Variants in RNF123 observed in about 807,000 individuals in gnomAD.
RNF123 encodes ring finger protein 123.
Under a neutral mutation model 168.5 loss-of-function variants are expected in RNF123, and 86 were observed. That is an observed-to-expected ratio of 0.51 (90% CI 0.43 to 0.61). The LOEUF (loss-of-function observed/expected upper bound fraction) is 0.61, where lower values mean the gene tolerates loss of function less well. Ranked by LOEUF, RNF123 falls within the 20% of genes least tolerant of loss-of-function variation. The pLI is 0.00. For missense variants in RNF123, 1,419 were observed against 1,729.7 expected (o/e 0.82, Z 3.19); for synonymous variants, 666 against 689.1 (o/e 0.97, Z 0.52).
At chr3:49,698,253 G>T in intron 7 of RNF123, 116 bp downstream of exon 7, 1 of 1,021,104 alleles carries the variant, frequency 9.8e-7, no homozygotes, top group South Asian at 1.5e-5. Context: ...AACCTGGACT[G>T]CCCTCTGGAG....
chr3:49,697,539 C>T, intron 5 of RNF123, 82 bp downstream of exon 5: 1 of 1,123,192 alleles, frequency 8.9e-7, no homozygotes, highest in Non-Finnish European at 1.3e-6. Context: ...GCCCTAGTCT[C>T]TCTACTCATC....
At chr3:49,690,054 C>T (rs1020644969) in intron 1 of RNF123, among the ~76,000 whole-genome samples, 2 of 152,206 alleles carry the variant, frequency 1.3e-5, no homozygotes, top group Non-Finnish European at 2.9e-5. Flanking sequence ...CCACCGAGGG[C>T]CCGAGGTCGG....
intron 15 of RNF123, 97 bp from the exon 16 acceptor site, chr3:49,701,394 G>A (rs1473570911): frequency 1.0e-5 from 9 of 903,208 alleles, no homozygotes; most frequent in Non-Finnish European, 1.5e-5. Flanking sequence ...TGGGAGAGCT[G>A]TGGTAGGCAC....
Position 49,702,394 on chromosome 3 carries a change from A to G in RNF123, c.1618A>G (p.Ser540Gly). 1 of 1,614,190 alleles carries G rather than the reference A, an allele frequency of 6.2e-7. No homozygotes were observed. The highest frequency in any genetic ancestry group is 8.5e-7 in the Non-Finnish European group (1 of 1,180,018). Residue 540 changes from serine (S) to glycine (G), a missense_variant, in exon 19 of 39, where the codon AGT becomes GGT. By Grantham distance (56) the Ser-to-Gly change is moderately conservative. This residue lies in a region of RNF123 where 349 missense variants were observed against 344.9 expected (regional missense o/e 1.01). Coordinates refer to ENST00000327697, the MANE Select transcript of RNF123 (RefSeq NM_022064.5). ...TCGCAAGTTTCTGCAGGAGAACGCC[A>G]GTGGCCGGGGGGTAGGTGTCCTCCA... ...KFRKFLQENA[S>G]GRGNMPMLCP...
chr3:49,721,185 A>G lies in RNF123; in HGVS notation c.3825A>G (p.Lys1275=). The part of the protein sequence containing the change: ...VFQPCGHKSC[K]ACINQHLMNN... ...GTCCTCATCCCCTCCCCTGTTGTAGAGCCTGTATCAACCAGCACCTGATGA... is the reference window on the plus strand; with the variant it reads ...GTCCTCATCCCCTCCCCTGTTGTAGGGCCTGTATCAACCAGCACCTGATGA... Residue 1275 remains lysine (K), a splice_region_variant and synonymous_variant, in exon 39 of 39, where the codon AAA becomes AAG. Transcript: ENST00000327697. 3 of 1,614,166 alleles carry G rather than the reference A, an allele frequency of 1.9e-6. No individual in the cohort carries two copies. Among genetic ancestry groups the G allele is most frequent in the Non-Finnish European group, 2.5e-6 (3 of 1,180,032 alleles).
At chr3:49,712,699 C>A in intron 27 of RNF123, 43 bp downstream of exon 27, 2 of 1,606,932 alleles carry the variant, frequency 1.2e-6, no homozygotes, top group African/African-American at 1.3e-5. Flanking sequence ...GAAAAGGGGT[C>A]TCTAGTGTGA....
In RNF123 at chr3:49,699,485, A is replaced by T; in HGVS notation, c.782A>T (p.Tyr261Phe). 1.2e-6 allele frequency: 2 copies of T among 1,606,242 alleles called. No homozygotes were observed. The highest frequency in any genetic ancestry group is 1.7e-6 in the Non-Finnish European group (2 of 1,176,862). Residue 261 changes from tyrosine to phenylalanine, a missense_variant, in exon 11 of 39, where the codon TAC (tyrosine) becomes TTC (phenylalanine). By Grantham distance (22) the Tyr-to-Phe change is conservative. Coordinates refer to ENST00000327697, the MANE Select transcript of RNF123 (RefSeq NM_022064.5). This position sits in a 1 kb window ranked among gnomAD's most constrained non-coding sequence, Gnocchi z 4.8. Reference protein sequence around the residue: ...SRPLRYPVAGYRPLQDPPSAD... With the variant: ...SRPLRYPVAGFRPLQDPPSAD... ...TCTGGCACCTACCCAGTGGCAGGCT[A>T]CCGGCCCCTGCAGGACCCACCGAGT...
Position 49,720,546 on chromosome 3 carries a change from C to T in RNF123, c.3536C>T (p.Pro1179Leu). 1 of 1,608,804 alleles carries T rather than the reference C, an allele frequency of 6.2e-7. No homozygotes were observed. Among genetic ancestry groups the T allele is most frequent in the Non-Finnish European group, 8.5e-7 (1 of 1,176,754 alleles). The change falls in exon 36 of 39, where the codon CCC (proline) becomes CTC (leucine). Residue 1179 changes from proline (P) to leucine (L), a missense_variant. Transcript: ENST00000327697. ...GCCACATCAGTGCTCCTGGCAGATC[C>T]CTGCTTCCAGCTACGCTCAATATGC... ...EQATSVLLAD[P>L]CFQLRSICYL... is the part of the protein sequence containing the mutation.
chr3:49,719,734 C>T (rs2080350434), intron 35 of RNF123: 2 of 409,058 alleles, frequency 4.9e-6, no homozygotes, highest in Admixed American at 4.1e-5. Flanking sequence ...GGGCGGGGCC[C>T]GGGCTCCTAT....
Position 49,702,732 on chromosome 3 carries a change from C to T in RNF123, c.1729C>T (p.Pro577Ser), listed in dbSNP as rs2054431284. 4 of 1,614,206 alleles carry T rather than the reference C, an allele frequency of 2.5e-6. No individual in the cohort carries two copies. The highest frequency in any genetic ancestry group is 3.4e-6 in the Non-Finnish European group (4 of 1,180,008). The stretch of plus-strand genomic sequence containing the variant: ...TTGGGATGAATACAAGGCTTCCAAT[C>T]CTCATGCTTCCTTCAGTGAGGGTGA... Reference protein sequence around the residue: ...YYWDEYKASNPHASFSEEAYI... With the variant: ...YYWDEYKASNSHASFSEEAYI... Residue 577 changes from proline (P) to serine (S), a missense_variant, in exon 20 of 39, where the codon CCT becomes TCT. Around this residue, in one of 5 missense-constraint regions of RNF123, gnomAD observed 349 missense variants for 344.9 expected, o/e 1.01. Coordinates refer to ENST00000327697, the MANE Select transcript of RNF123 (RefSeq NM_022064.5).
rs758387116 is a variant in RNF123 at position 49,713,719 on chromosome 3, G to A, written c.2750-19G>A. The A allele has an allele frequency of 1.3e-6, 2 of 1,587,568 alleles. No individual in the cohort carries two copies. Among genetic ancestry groups the A allele is most frequent in the South Asian group, 2.3e-5 (2 of 88,042 alleles). ...GGGCTCATGCCAAGCCCCTGCTGAG[G>A]CACGGTGTGTCCCCGCAGACATCCG... On this transcript the variant is annotated intron_variant, in intron 28 of 38. Transcript: ENST00000327697.
At chr3:49,716,056 T>C (rs370250116) in intron 33 of RNF123, 46 bp downstream of exon 33, 24 of 1,613,524 alleles carry the variant, frequency 1.5e-5, no homozygotes, top group South Asian at 1.2e-4. Context: ...GGATGCCCCA[T>C]TGATGACGCT....
At position 49,712,498 on chromosome 3, in the gene RNF123, A is replaced by G; in HGVS notation, c.2516A>G (p.Tyr839Cys). 1 of 1,614,034 alleles carries G rather than the reference A, an allele frequency of 6.2e-7. No homozygotes were observed. Residue 839 changes from tyrosine to cysteine, a missense_variant, in exon 27 of 39, where the codon TAC becomes TGC. This residue lies in a region of RNF123 where 538 missense variants were observed against 708.8 expected (regional missense o/e 0.76). Transcript: ENST00000327697. Reference sequence around the variant, plus strand: ...CTGCAGGAGAAGATGCTGGACATCTACTGGCTGCTGCGCGTCTGCCTGCGG... The same window carrying G: ...CTGCAGGAGAAGATGCTGGACATCTGCTGGCTGCTGCGCGTCTGCCTGCGG... ...VYSQEKMLDI[Y>C]WLLRVCLRTI...
chr3:49,707,891 G>A (rs1039829473), intron 26 of RNF123, among the ~76,000 whole-genome samples: 1 of 152,052 alleles, frequency 6.6e-6, no homozygotes, highest in South Asian at 2.1e-4. Context: ...GTCTTCTCAA[G>A]ACCCTTGCCC....
At chr3:49,697,843 G>C in intron 5 of RNF123, 42 bp from the exon 6 acceptor site, 1 of 1,612,798 alleles carries the variant, frequency 6.2e-7, no homozygotes, top group Non-Finnish European at 8.5e-7. Flanking sequence ...GAGATGCTCT[G>C]TGTGCCTGGG....
intron 34 of RNF123, 107 bp downstream of exon 34, chr3:49,716,284 T>C: frequency 6.5e-7 from 1 of 1,544,094 alleles, no homozygotes; most frequent in South Asian, 1.1e-5. Flanking sequence ...CCAGACTTGG[T>C]GCTCTGCAGT....
chr3:49,718,466 C>T (rs777353932), intron 35 of RNF123: 2 of 1,612,920 alleles, frequency 1.2e-6, no homozygotes, highest in East Asian at 2.2e-5. Flanking sequence ...AAGCTGCCGT[C>T]GGCCAGCACC....
chr3:49,696,303 C>T (rs7433063), intron 3 of RNF123, among the ~76,000 whole-genome samples: 4 of 150,394 alleles, frequency 2.7e-5, no homozygotes, highest in Middle Eastern at 3.4e-3. Flanking sequence ...ACATAAGTCA[C>T]TATTCTGTTT....
chr3:49,698,627 G>A, intron 8 of RNF123, 101 bp downstream of exon 8: 2 of 1,539,658 alleles, frequency 1.3e-6, no homozygotes, highest in Non-Finnish European at 1.8e-6. Context: ...ACCAGGGAAG[G>A]GTCAGGGACC....
Sources: allele counts gnomAD v4.1 joint callset (sites outside exome capture counted in the v4.1 genomes callset), GRCh38; gene constraint gnomAD v4.1.1; regional missense constraint gnomAD v4.1.1; non-coding constraint Gnocchi (gnomAD v3.1); transcripts MANE v1.5; gene names NCBI Gene and HGNC (gene_info 2026-07-23, HGNC 2026-07-21).